The following RTN4 variants were observed in gnomAD, a reference collection of about 807,000 sequenced individuals.
RTN4 encodes the protein reticulon-4.
In RTN4, 32 loss-of-function variants were observed where a neutral mutation model predicts 90.4. That is an observed-to-expected ratio of 0.35 (90% CI 0.27 to 0.48). RTN4 has a LOEUF of 0.48. RTN4 is among the 20% of genes least tolerant of loss of function. The pLI is 0.99. For synonymous variants in RTN4, 629 were observed against 552.5 expected, an observed-to-expected ratio of 1.14 and a Z score of -1.94; for missense variants, 1,706 against 1,430.2, an observed-to-expected ratio of 1.19 and a Z score of -3.11.
chr2:55,125,233 C>T, the RTN4 span, among the ~76,000 whole-genome samples: 3 of 152,230 alleles, frequency 2.0e-5, no homozygotes, highest in South Asian at 4.1e-4. Context: ...AAAGAGCTAT[C>T]GCAACGAAAG....
chr2:55,079,184 A>C (rs1266909668), intron 2 of RTN4, among the ~76,000 whole-genome samples: 9 of 152,220 alleles, frequency 5.9e-5, no homozygotes, highest in Non-Finnish European at 1.0e-4. Flanking sequence ...AGGTTGCCAA[A>C]GCTTCAAATA....
chr2:55,133,107 A>G, the RTN4 span, among the ~76,000 whole-genome samples: 1 of 152,138 alleles, frequency 6.6e-6, no homozygotes, highest in African/African-American at 2.4e-5. Context: ...GCTACCTGGG[A>G]GGCTGAAGCA....
At chr2:55,049,713 G>A in intron 1 of RTN4, 32 bp downstream of exon 1, 2 of 1,411,712 alleles carry the variant, frequency 1.4e-6, no homozygotes, top group South Asian at 1.5e-5. Flanking sequence ...GGGCGCGAGG[G>A]GCGGCGCGAA....
At chr2:54,986,489 G>T (rs1216971821) in intron 4 of RTN4, among the ~76,000 whole-genome samples, 1 of 152,232 alleles carries the variant, frequency 6.6e-6, no homozygotes, top group Non-Finnish European at 1.5e-5. Flanking sequence ...GCAGCAGACT[G>T]CATTTGGCCA....
intron 1 of RTN4, among the ~76,000 whole-genome samples, chr2:55,101,461 ATAAC>A (rs1304001472): frequency 6.6e-6 from 1 of 152,164 alleles, no homozygotes; most frequent in African/African-American, 2.4e-5. Context: ...TATTAATACA[ATAAC>A]TGAAGTATTG....
chr2:54,977,989 G>A (rs975133416), intron 5 of RTN4, among the ~76,000 whole-genome samples: 1 of 152,122 alleles, frequency 6.6e-6, no homozygotes, highest in African/African-American at 2.4e-5. Context: ...CCTGGAGTTT[G>A]GTTATTTTTT....
rs187300270 is a variant in RTN4 at position 55,104,106 on chromosome 2, A to C, written c.-214+8414T>G. On this transcript the variant is annotated intron_variant, in intron 1 of 3. Coordinates refer to the RTN4 transcript ENST00000427710. ...TGCTCTGTTGCCCAGTCTGGAGTGC[A>C]GTGGCACTAGCTGGGCTCACTGCAA... is the stretch of plus-strand genomic sequence containing the variant. Among the ~76,000 whole-genome samples the C allele has an allele frequency of 3.3e-5, 5 of 152,184 alleles. No individual in the cohort carries two copies. The East Asian group carries it at 7.7e-4, about 23-fold the overall frequency.
intron 1 of RTN4, among the ~76,000 whole-genome samples, chr2:55,109,108 C>T (rs2105065336): frequency 6.6e-6 from 1 of 152,130 alleles, no homozygotes; most frequent in South Asian, 2.1e-4. Flanking sequence ...GTTTCAGCCA[C>T]AGCTGTTAAA....
At chr2:55,004,520 C>A (rs1235216278) in intron 3 of RTN4, among the ~76,000 whole-genome samples, 1 of 152,128 alleles carries the variant, frequency 6.6e-6, no homozygotes, top group East Asian at 1.9e-4. Flanking sequence ...AATTCTGAAT[C>A]TACAGAAGTT....
chr2:55,028,128 T>C (rs748882307), intron 2 of RTN4, 36 bp downstream of exon 2: 2 of 1,586,694 alleles, frequency 1.3e-6, no homozygotes, highest in South Asian at 1.1e-5. Flanking sequence ...AAAGTTAGAA[T>C]ACAGAGAGGA....
chr2:55,026,198 G>C lies in RTN4; in HGVS notation c.1901C>G (p.Pro634Arg), dbSNP rs748683232. The change falls in exon 3 of 9, where the codon CCC becomes CGC. Residue 634 changes from proline to arginine, a missense_variant. By Grantham distance (103) the Pro-to-Arg change is moderately radical. Coordinates refer to ENST00000337526, the MANE Select transcript of RTN4 (RefSeq NM_020532.5). The stretch of plus-strand genomic sequence containing the variant: ...AGAAGCTTCTAATGGTGATGAGCTG[G>C]GCTGTATCACGGAAGCACCAGCACT... ...VPSAGASVIQ[P>R]SSSPLEASSV... The C allele has an allele frequency of 1.9e-6, 3 of 1,613,546 alleles. No homozygotes were observed. The South Asian group carries it at 3.3e-5, about 18-fold the overall frequency.
rs980895265 is a variant in RTN4, at chr2:54,974,555, A to G, written c.3430+140T>C. ...CTTGGCCTCCCAAAGTGCTGGGATT[A>G]CAGGCATGAGCTACCGCGCCCGGCC... On this transcript the variant is annotated intron_variant, in intron 6 of 8. Transcript: ENST00000337526. 2.0e-5 allele frequency: 14 copies of G among 691,064 alleles called. No homozygotes were observed. In the African/African-American group the frequency reaches 2.5e-4, roughly 13 times the overall value. The allele number at this position is 691,064 out of a possible 1,614,324, so 42.8% of individuals were successfully genotyped here. A position where few individuals can be genotyped will look rare whatever the true frequency, so the allele number is the denominator to read the frequency against.
chr2:55,010,309 G>C lies in RTN4; in HGVS notation c.3013+14777C>G, dbSNP rs199745476. On this transcript the variant is annotated intron_variant, in intron 3 of 8. Coordinates refer to ENST00000337526, the MANE Select transcript of RTN4 (RefSeq NM_020532.5). ...ACGTCTTCTGGGTGTGGAACAGTCT[G>C]ACGCAGTGCAATCTGTAACTAGGCT... The C allele has an allele frequency of 5.5e-5, 78 of 1,410,632 alleles. 1 individual carries two copies. The highest frequency in any genetic ancestry group is 9.2e-7 in the Non-Finnish European group (1 of 1,082,108). 87.4% of individuals were successfully genotyped at this position (1,410,632 alleles called of 1,614,324 possible). A position where few individuals can be genotyped will look rare whatever the true frequency, so the allele number is the denominator to read the frequency against.
intron 4 of RTN4, among the ~76,000 whole-genome samples, chr2:54,986,245 TC>T (rs1370629862): frequency 6.6e-6 from 1 of 152,192 alleles, no homozygotes; most frequent in Non-Finnish European, 1.5e-5. Flanking sequence ...GAAAAATTAA[TC>T]GGACATCATC....
chr2:55,056,745 A>G (rs1668197235), intron 2 of RTN4, among the ~76,000 whole-genome samples: 1 of 152,208 alleles, frequency 6.6e-6, no homozygotes, highest in South Asian at 2.1e-4. Flanking sequence ...TTTAATTTAG[A>G]AATTATTGTT....
chr2:54,997,848 T>A (rs1470570840), intron 3 of RTN4, among the ~76,000 whole-genome samples: 1 of 152,218 alleles, frequency 6.6e-6, no homozygotes, highest in East Asian at 1.9e-4. Context: ...TCTCTTTCAT[T>A]GTTAAAGTTG....
intron 1 of RTN4, 181 bp downstream of exon 1, chr2:55,049,564 T>C: frequency 1.0e-6 from 1 of 1,003,826 alleles, no homozygotes; most frequent in Non-Finnish European, 1.5e-6. Context: ...AAACCCGGGC[T>C]CCAAGGGCCG....
Position 55,025,617 on chromosome 2 carries a change from T to C in RTN4, c.2482A>G (p.Ile828Val). 1 of 1,613,544 alleles carries C rather than the reference T, an allele frequency of 6.2e-7. No homozygotes were observed. Among genetic ancestry groups the C allele is most frequent in the Non-Finnish European group, 8.5e-7 (1 of 1,179,766 alleles). Residue 828 changes from isoleucine to valine, a missense_variant, in exon 3 of 9, where the codon ATT becomes GTT. Coordinates refer to ENST00000337526, the MANE Select transcript of RTN4 (RefSeq NM_020532.5). ...CTGAGCTCCTCCATCTGCAAAGGAA[T>C]TTTCTCCTTTTTGCTCAATGTTGAA... ...EVSTLSKKEK[I>V]PLQMEELSTA...
chr2:55,115,520 C>T (rs767391474), upstream of RTN4, among the ~76,000 whole-genome samples: 1 of 152,186 alleles, frequency 6.6e-6, no homozygotes, highest in Non-Finnish European at 1.5e-5. Flanking sequence ...GCCCACCACA[C>T]TGTAGAAGAT....
Sources: allele counts gnomAD v4.1 joint callset (sites outside exome capture counted in the v4.1 genomes callset), GRCh38; gene constraint gnomAD v4.1.1; transcripts MANE v1.5; gene names NCBI Gene and HGNC (gene_info 2026-07-23, HGNC 2026-07-21).